The following LOC128706666 variants were observed in gnomAD, a reference collection of about 807,000 sequenced individuals.
chr20:10,433,934 G>A, the LOC128706666 span, among the ~76,000 whole-genome samples: 2 of 152,156 alleles, frequency 1.3e-5, no homozygotes, highest in African/African-American at 2.4e-5. Context: ...TTCAGAGGTC[G>A]GTCTTTCGCC....
At chr20:10,432,450 G>C in the LOC128706666 span, among the ~76,000 whole-genome samples, 1 of 152,118 alleles carries the variant, frequency 6.6e-6, no homozygotes, top group Non-Finnish European at 1.5e-5. Context: ...ATTGCATCCA[G>C]GACCCATGAT....
the LOC128706666 span, among the ~76,000 whole-genome samples, chr20:10,433,080 C>T: frequency 6.6e-6 from 1 of 152,286 alleles, no homozygotes; most frequent in African/African-American, 2.4e-5. Flanking sequence ...CTCCGCTCAC[C>T]GCAACCTCCG....
the LOC128706666 span, among the ~76,000 whole-genome samples, chr20:10,433,769 G>A: frequency 6.6e-6 from 1 of 152,104 alleles, no homozygotes; most frequent in Admixed American, 6.5e-5. Flanking sequence ...CCCTCCCAGC[G>A]AGGGAGGGGA....
the LOC128706666 span, among the ~76,000 whole-genome samples, chr20:10,415,842 T>C: frequency 6.6e-6 from 1 of 152,162 alleles, no homozygotes; most frequent in Middle Eastern, 3.4e-3. Flanking sequence ...AGTACACATA[T>C]CTTTTGGCTA....
chr20:10,415,955 T>G, the LOC128706666 span, among the ~76,000 whole-genome samples: 1 of 151,852 alleles, frequency 6.6e-6, no homozygotes, highest in Non-Finnish European at 1.5e-5. Context: ...GGTCTAGACC[T>G]GAACAAAAGA....
At chr20:10,432,216 T>C in the LOC128706666 span, among the ~76,000 whole-genome samples, 5 of 152,372 alleles carry the variant, frequency 3.3e-5, no homozygotes, top group African/African-American at 9.6e-5. Flanking sequence ...CTAGAGTTCC[T>C]GTGGGACTGG....
the LOC128706666 span, among the ~76,000 whole-genome samples, chr20:10,420,923 T>A: frequency 6.6e-6 from 1 of 152,164 alleles, no homozygotes; most frequent in Non-Finnish European, 1.5e-5. Flanking sequence ...AAAAGAGACA[T>A]GTCATTGACC....
the LOC128706666 span, among the ~76,000 whole-genome samples, chr20:10,425,740 T>C: frequency 1.3e-5 from 2 of 152,320 alleles, no homozygotes; most frequent in South Asian, 2.1e-4. Context: ...TAAAATAAGT[T>C]AGTGTTTGAT....
At chr20:10,420,581 A>G in the LOC128706666 span, 1 of 152,238 alleles carries the variant, frequency 6.6e-6, no homozygotes, top group Non-Finnish European at 1.5e-5. Flanking sequence ...TGAAGATTTG[A>G]AAGTCCCAGA....
At chr20:10,417,608 C>T in the LOC128706666 span, among the ~76,000 whole-genome samples, 1 of 151,880 alleles carries the variant, frequency 6.6e-6, no homozygotes, top group Non-Finnish European at 1.5e-5. Context: ...AGGCCTGTGC[C>T]CAAGAGTTTG....
the LOC128706666 span, among the ~76,000 whole-genome samples, chr20:10,433,883 C>T: frequency 2.0e-5 from 3 of 152,226 alleles, no homozygotes; most frequent in Non-Finnish European, 4.4e-5. Flanking sequence ...TCCTCGCCGC[C>T]CGCATCCGTG....
the LOC128706666 span, among the ~76,000 whole-genome samples, chr20:10,431,420 A>G: frequency 1.3e-5 from 2 of 152,154 alleles, no homozygotes; most frequent in Non-Finnish European, 2.9e-5. Context: ...TCAGGGGGGA[A>G]CTACCAAGAA....
At chr20:10,415,551 A>T in the LOC128706666 span, among the ~76,000 whole-genome samples, 1 of 152,148 alleles carries the variant, frequency 6.6e-6, no homozygotes, top group Non-Finnish European at 1.5e-5. Flanking sequence ...GGGAAAGAAA[A>T]ATCTGTTTAT....
chr20:10,428,362 T>A, the LOC128706666 span, among the ~76,000 whole-genome samples: 1 of 152,226 alleles, frequency 6.6e-6, no homozygotes, highest in Non-Finnish European at 1.5e-5. Context: ...GCAAACACTT[T>A]ATGTTCCTGG....
the LOC128706666 span, among the ~76,000 whole-genome samples, chr20:10,433,887 A>T: frequency 6.6e-6 from 1 of 152,160 alleles, no homozygotes; most frequent in African/African-American, 2.4e-5. Context: ...CGCCGCCCGC[A>T]TCCGTGCCGA....
At chr20:10,427,604 C>A in the LOC128706666 span, among the ~76,000 whole-genome samples, 2 of 152,198 alleles carry the variant, frequency 1.3e-5, no homozygotes, top group African/African-American at 4.8e-5. Flanking sequence ...TTTAATACAG[C>A]AGTTTGAATT....
At chr20:10,430,650 T>TG in the LOC128706666 span, among the ~76,000 whole-genome samples, 3 of 152,146 alleles carry the variant, frequency 2.0e-5, no homozygotes, top group African/African-American at 7.2e-5. Flanking sequence ...CAGAGGTCTT[T>TG]GGGGTTTGAC....
the LOC128706666 span, among the ~76,000 whole-genome samples, chr20:10,415,928 G>T: frequency 6.6e-6 from 1 of 151,812 alleles, no homozygotes; most frequent in Non-Finnish European, 1.5e-5. Context: ...GCCAAAACTT[G>T]TTGACCTGTG....
the LOC128706666 span, among the ~76,000 whole-genome samples, chr20:10,415,890 G>A: frequency 6.6e-6 from 1 of 151,984 alleles, no homozygotes; most frequent in Admixed American, 6.6e-5. Flanking sequence ...ACTGAAAGTG[G>A]TAGTGACTCC....
Sources: allele counts gnomAD v4.1 joint callset (sites outside exome capture counted in the v4.1 genomes callset), GRCh38; gene constraint gnomAD v4.1.1; transcripts MANE v1.5.